PIK3R4: variants seen among roughly 807,000 people sequenced by gnomAD.
PIK3R4 encodes the protein phosphoinositide-3-kinase regulatory subunit 4, also known as phosphoinositide 3-kinase regulatory subunit 4.
A neutral mutation model predicts 136.5 loss-of-function variants in PIK3R4; 46 were observed. The ratio of observed to expected loss-of-function variants is 0.34; its 90% confidence interval spans 0.27 to 0.43. The LOEUF (loss-of-function observed/expected upper bound fraction) is 0.43, where lower values mean the gene tolerates loss of function less well. PIK3R4 is among the 20% of genes least tolerant of loss of function. The pLI is 1.00. For synonymous variants in PIK3R4, 557 were observed against 566.7 expected, an observed-to-expected ratio of 0.98 and a Z score of 0.24; for missense variants, 1,331 against 1,649.5, an observed-to-expected ratio of 0.81 and a Z score of 3.35.
chr3:130,720,174 A>G (rs2066690612), intron 7 of PIK3R4, among the ~76,000 whole-genome samples: 1 of 152,182 alleles, frequency 6.6e-6, no homozygotes, highest in Non-Finnish European at 1.5e-5. Context: ...AGAACTGCCT[A>G]TGAAATAGCA....
intron 7 of PIK3R4, among the ~76,000 whole-genome samples, chr3:130,720,775 C>T (rs1251482388): frequency 1.3e-5 from 2 of 152,154 alleles, no homozygotes; most frequent in African/African-American, 4.8e-5. Context: ...AGAAAAGCCC[C>T]AATGAAGAGG....
At chr3:130,712,318 T>C (rs1354275919) in intron 9 of PIK3R4, among the ~76,000 whole-genome samples, 2 of 152,136 alleles carry the variant, frequency 1.3e-5, no homozygotes, top group Non-Finnish European at 2.9e-5. Flanking sequence ...GAAGTGTTCA[T>C]ATTGCCTGCT....
intron 19 of PIK3R4, among the ~76,000 whole-genome samples, chr3:130,680,014 G>T (rs143766533): frequency 7.1e-6 from 1 of 140,288 alleles, no homozygotes; most frequent in East Asian, 2.1e-4. Context: ...GGCAGAGGAT[G>T]CAGTGAGCAG....
Position 130,744,427 on chromosome 3 carries a change from T to C in PIK3R4, c.733+59A>G, listed in dbSNP as rs1346502686. 5.3e-6 allele frequency: 8 copies of C among 1,512,724 alleles called. No homozygotes were observed. In the East Asian group the frequency reaches 1.4e-4, roughly 26 times the overall value. The allele number at this position is 1,512,724 out of a possible 1,614,324, so 93.7% of individuals were successfully genotyped here. On this transcript the variant is annotated intron_variant, in intron 2 of 19. Transcript: ENST00000356763. ...TGGTGACTAAAAAAAGCCACATTTCTGTTTAACAGTTAAAAGAAAAACACA... is the reference window on the plus strand; with the variant it reads ...TGGTGACTAAAAAAAGCCACATTTCCGTTTAACAGTTAAAAGAAAAACACA...
chr3:130,679,522 A>AAAG (rs534520904), intron 19 of PIK3R4, 37 bp from the exon 20 acceptor site: 3 of 1,524,690 alleles, frequency 2.0e-6, no homozygotes, highest in Admixed American at 3.5e-5. Flanking sequence ...CCAGAGGTTA[A>AAAG]AAGTCTGTAC....
At chr3:130,708,623 C>G in intron 9 of PIK3R4, 131 bp from the exon 10 acceptor site, 1 of 717,752 alleles carries the variant, frequency 1.4e-6, no homozygotes, top group South Asian at 2.0e-5. Flanking sequence ...GTGAAACAAC[C>G]AAGTCCAAGT....
At chr3:130,733,314 G>GA (rs997953147) in intron 4 of PIK3R4, among the ~76,000 whole-genome samples, 1 of 152,076 alleles carries the variant, frequency 6.6e-6, no homozygotes, top group Non-Finnish European at 1.5e-5. Context: ...GTATTCCTAA[G>GA]AAAACCACAA....
rs765628638 is a variant in PIK3R4 at position 130,745,208 on chromosome 3, T to A, written c.11A>T (p.Gln4Leu). MGN[Q>L]LAGIAPSQIL... ...CTGGGAGGGAGCAATGCCAGCAAGCTGATTTCCCATAATGGCAAGCACCTC... is the reference window on the plus strand; with the variant it reads ...CTGGGAGGGAGCAATGCCAGCAAGCAGATTTCCCATAATGGCAAGCACCTC... The change falls in exon 2 of 20, where the codon CAG becomes CTG. Residue 4 changes from glutamine to leucine, a missense_variant. Coordinates refer to ENST00000356763, the MANE Select transcript of PIK3R4 (RefSeq NM_014602.3). 5 of 1,597,790 alleles carry A rather than the reference T, an allele frequency of 3.1e-6. No homozygotes were observed. The highest frequency in any genetic ancestry group is 4.2e-6 in the Non-Finnish European group (5 of 1,176,612).
intron 1 of PIK3R4, 124 bp downstream of exon 1, chr3:130,746,194 T>TA (rs2066852339): frequency 6.6e-6 from 1 of 152,144 alleles, no homozygotes; most frequent in Admixed American, 6.6e-5. Context: ...CCACAGATGT[T>TA]AAAGAAAAGC....
intron 9 of PIK3R4, among the ~76,000 whole-genome samples, chr3:130,715,340 T>G (rs939022617): frequency 5.9e-5 from 9 of 152,022 alleles, no homozygotes; most frequent in Non-Finnish European, 8.8e-5. Context: ...GCCAGTCTGG[T>G]CTGGAATTCC....
chr3:130,698,304 C>T (rs936131059), intron 13 of PIK3R4, among the ~76,000 whole-genome samples: 2 of 152,176 alleles, frequency 1.3e-5, no homozygotes, highest in African/African-American at 4.8e-5. Context: ...CCTTTTCTCT[C>T]TCCTCTCCTA....
chr3:130,697,063 C>CT (rs60432343), intron 13 of PIK3R4, among the ~76,000 whole-genome samples: 41,761 of 72,846 alleles, frequency 0.57, 14,752 homozygotes, highest in Non-Finnish European at 0.69. Flanking sequence ...GCCACTCCAG[C>CT]TTTTTTTTTT....
intron 13 of PIK3R4, among the ~76,000 whole-genome samples, 166 bp downstream of exon 13, chr3:130,703,557 G>A (rs2066590975): frequency 6.6e-6 from 1 of 151,560 alleles, no homozygotes; most frequent in Non-Finnish European, 1.5e-5. Flanking sequence ...TACTTTCATT[G>A]TCTCTCACTT....
At chr3:130,739,741 T>C (rs1449078886) in intron 2 of PIK3R4, among the ~76,000 whole-genome samples, 4 of 152,064 alleles carry the variant, frequency 2.6e-5, no homozygotes, top group East Asian at 3.8e-4. Context: ...TAAAAAACTA[T>C]AGAGGGGAGA....
intron 16 of PIK3R4, among the ~76,000 whole-genome samples, chr3:130,683,316 T>TA (rs2066470151): frequency 6.6e-6 from 1 of 152,120 alleles, no homozygotes; most frequent in African/African-American, 2.4e-5. Flanking sequence ...ATTTAGTAGT[T>TA]AAAGCATGAG....
At position 130,733,975 on chromosome 3, in the gene PIK3R4, C is replaced by T. The variant is rs780574890; in HGVS notation, c.1023G>A (p.Glu341=). The T allele has an allele frequency of 3.2e-5, 51 of 1,614,014 alleles. No homozygotes were observed. The Admixed American group carries it at 8.5e-4, about 27-fold the overall frequency. The change falls in exon 4 of 20, where the codon GAG becomes GAA. Residue 341 remains glutamate, a synonymous_variant. Coordinates refer to ENST00000356763, the MANE Select transcript of PIK3R4 (RefSeq NM_014602.3). ...FAKETFLSAD[E]RILVIRKDLG... ...AATCCTTCCGTATAACCAGAATACGCTCATCTGCAGAAAGAAACGTTTCCT... is the reference window on the plus strand; with the variant it reads ...AATCCTTCCGTATAACCAGAATACGTTCATCTGCAGAAAGAAACGTTTCCT...
rs913209819 is a variant in PIK3R4, at chr3:130,705,715, A to G, written c.2778T>C (p.Ser926=). Reference sequence around the variant, plus strand: ...TCTGATAGGTGGATGGTAAGATTGTACTACTTAAAACCGGTATTACTGGTT... The same window carrying G: ...TCTGATAGGTGGATGGTAAGATTGTGCTACTTAAAACCGGTATTACTGGTT... The part of the protein sequence containing the change: ...NKKPVIPVLS[S]TILPSTYQIR... Residue 926 remains serine (S), a synonymous_variant, in exon 12 of 20, where the codon AGT becomes AGC. Coordinates refer to ENST00000356763, the MANE Select transcript of PIK3R4 (RefSeq NM_014602.3). 3.7e-6 allele frequency: 6 copies of G among 1,612,382 alleles called. No homozygotes were observed. Among genetic ancestry groups the G allele is most frequent in the Non-Finnish European group, 5.1e-6 (6 of 1,178,432 alleles).
At chr3:130,683,057 T>C (rs746264763) in intron 16 of PIK3R4, among the ~76,000 whole-genome samples, 1 of 152,108 alleles carries the variant, frequency 6.6e-6, no homozygotes, top group Non-Finnish European at 1.5e-5. Flanking sequence ...TACTTTAAAA[T>C]AGAACTTACA....
Position 130,733,885 on chromosome 3 carries a change from C to T in PIK3R4, c.1113G>A (p.Lys371=), listed in dbSNP as rs763334186. ...DLPEKAEGEP[K]ENGLVILVSV... ...ATACCAAGATAACCAGCCCATTTTC[C>T]TTAGGCTCTCCTTCGGCTTTTTCTG... Residue 371 remains lysine (K), a synonymous_variant, in exon 4 of 20, where the codon AAG becomes AAA. Coordinates refer to ENST00000356763, the MANE Select transcript of PIK3R4 (RefSeq NM_014602.3). The T allele has an allele frequency of 6.2e-7, 1 of 1,614,100 alleles. No homozygotes were observed. Among genetic ancestry groups the T allele is most frequent in the South Asian group, 1.1e-5 (1 of 91,072 alleles).
Sources: allele counts gnomAD v4.1 joint callset (sites outside exome capture counted in the v4.1 genomes callset), GRCh38; gene constraint gnomAD v4.1.1; transcripts MANE v1.5; gene names NCBI Gene and HGNC (gene_info 2026-07-23, HGNC 2026-07-21).